Variants in PCDH15 observed in about 807,000 individuals in gnomAD.
The protein encoded by PCDH15 is protocadherin related 15.
A neutral mutation model predicts 178.5 loss-of-function variants in PCDH15; 129 were observed. The ratio of observed to expected loss-of-function variants is 0.72; its 90% CI spans 0.63 to 0.84. The LOEUF is 0.84. PCDH15 is among the 40% of genes least tolerant of loss of function. PCDH15 has a pLI of 0.00. For synonymous variants in PCDH15, 800 were observed against 732.0 expected (o/e 1.09, Z -1.50); for missense variants, 2,230 against 2,099.9 (o/e 1.06, Z -1.21).
At chr10:53,896,360 T>C (rs916735290) in intron 26 of PCDH15, among the ~76,000 whole-genome samples, 2 of 152,228 alleles carry the variant, frequency 1.3e-5, no homozygotes, top group Non-Finnish European at 2.9e-5. Flanking sequence ...TTCTATTTCT[T>C]TTTTGTTGAC....
intron 26 of PCDH15, among the ~76,000 whole-genome samples, chr10:53,897,500 TCTCTCC>T (rs2082030109): frequency 2.0e-5 from 3 of 151,944 alleles, no homozygotes; most frequent in African/African-American, 7.3e-5. Context: ...AGTGATGCCC[TCTCTCC>T]TCTTTTTCTT....
At chr10:54,921,829 G>A (rs1837496427) in intron 2 of PCDH15, among the ~76,000 whole-genome samples, 1 of 152,156 alleles carries the variant, frequency 6.6e-6, no homozygotes, top group African/African-American at 2.4e-5. Context: ...TCCGCAGGCT[G>A]TACAGGTAGC....
At chr10:54,317,141 CATAA>C (rs1465359889) in intron 8 of PCDH15, 126 bp downstream of exon 8, 3 of 931,056 alleles carry the variant, frequency 3.2e-6, no homozygotes, top group African/African-American at 3.3e-5. Flanking sequence ...TAGTTTCGGA[CATAA>C]ATATTTTTCA....
At chr10:54,429,436 T>A (rs1338745749) in intron 3 of PCDH15, among the ~76,000 whole-genome samples, 2 of 151,922 alleles carry the variant, frequency 1.3e-5, no homozygotes, top group East Asian at 3.9e-4. Context: ...CACAAAATCA[T>A]CAGAAAACAA....
intron 1 of PCDH15, among the ~76,000 whole-genome samples, chr10:54,746,048 C>G (rs1945419286): frequency 1.3e-5 from 2 of 152,014 alleles, no homozygotes; most frequent in African/African-American, 4.8e-5. Flanking sequence ...TATTTTCCAC[C>G]TATTAATTTG....
chr10:55,541,984 C>A (rs542538007), intron 2 of PCDH15, among the ~76,000 whole-genome samples: 1 of 151,602 alleles, frequency 6.6e-6, no homozygotes, highest in African/African-American at 2.4e-5. Context: ...CAGAAGAATA[C>A]AATATATAAA....
intron 1 of PCDH15, among the ~76,000 whole-genome samples, chr10:55,246,327 G>A (rs1841676850): frequency 1.3e-5 from 2 of 152,046 alleles, no homozygotes; most frequent in South Asian, 4.1e-4. Context: ...TATGAATATT[G>A]TTGCTTTGAG....
intron 3 of PCDH15, among the ~76,000 whole-genome samples, chr10:54,393,083 C>T (rs1950759554): frequency 6.6e-6 from 1 of 151,982 alleles, no homozygotes; most frequent in Admixed American, 6.6e-5. Context: ...AATTTAGATT[C>T]AAGCACTTTG....
At chr10:54,688,352 A>G (rs2095053332) in intron 1 of PCDH15, among the ~76,000 whole-genome samples, 1 of 152,042 alleles carries the variant, frequency 6.6e-6, no homozygotes, top group Non-Finnish European at 1.5e-5. Context: ...AACAAATGGG[A>G]TTGCTATTAT....
chr10:54,531,489 T>C (rs1194166045), intron 2 of PCDH15, among the ~76,000 whole-genome samples: 2 of 152,144 alleles, frequency 1.3e-5, no homozygotes, highest in African/African-American at 4.8e-5. Context: ...TCTGTTGTCA[T>C]TGTAGCCTGA....
intron 2 of PCDH15, among the ~76,000 whole-genome samples, chr10:54,565,885 G>A (rs140657195): frequency 0.012 from 1,794 of 148,596 alleles, 42 homozygotes; most frequent in African/African-American, 0.04. Context: ...GGGAGTTTGA[G>A]ACCAGCCTGA....
chr10:55,071,399 A>G (rs1201552453), intron 2 of PCDH15, among the ~76,000 whole-genome samples: 4 of 152,302 alleles, frequency 2.6e-5, no homozygotes, highest in Admixed American at 6.5e-5. Flanking sequence ...AGGATGGAGG[A>G]AGATCTACCA....
chr10:55,073,063 A>G lies in PCDH15; in HGVS notation c.-80+93513T>C, dbSNP rs1052370705. Among the ~76,000 whole-genome samples, 875 of 152,286 alleles carry G rather than the reference A, an allele frequency of 5.7e-3. 6 individuals are homozygous for G. The highest frequency in any genetic ancestry group is 0.02 in the South Asian group (95 of 4,820). The stretch of plus-strand genomic sequence containing the variant: ...AAATTCAACAACTTTTCATGCTAAA[A>G]ACTCTCAATAAATTAGGTATTGATG... On this transcript the variant is annotated intron_variant, in intron 2 of 5. Transcript: ENST00000458638.
chr10:55,230,228 A>AT (rs1158372412), intron 1 of PCDH15, among the ~76,000 whole-genome samples: 1 of 152,106 alleles, frequency 6.6e-6, no homozygotes, highest in Admixed American at 6.6e-5. Flanking sequence ...AGAGTTATTA[A>AT]TTTTTTTAAA....
At chr10:54,030,984 C>T (rs1024455378) in intron 18 of PCDH15, among the ~76,000 whole-genome samples, 1 of 151,928 alleles carries the variant, frequency 6.6e-6, no homozygotes, top group African/African-American at 2.4e-5. Context: ...ATATGAAGCT[C>T]ATGTGGTGCA....
intron 1 of PCDH15, among the ~76,000 whole-genome samples, chr10:55,243,503 A>G (rs1841607419): frequency 6.6e-6 from 1 of 152,102 alleles, no homozygotes. Flanking sequence ...TTTGTTGTTC[A>G]ATTTCTTTAC....
intron 8 of PCDH15, among the ~76,000 whole-genome samples, chr10:54,256,778 A>G (rs1196016905): frequency 6.6e-6 from 1 of 152,014 alleles, no homozygotes; most frequent in Non-Finnish European, 1.5e-5. Flanking sequence ...TTCCATTTAT[A>G]TCTCACATTT....
intron 2 of PCDH15, among the ~76,000 whole-genome samples, chr10:55,524,071 T>A (rs906111762): frequency 8.6e-5 from 13 of 151,230 alleles, no homozygotes; most frequent in African/African-American, 2.4e-4. Context: ...TTTTTTTTTT[T>A]AGCAGCATTT....
intron 2 of PCDH15, among the ~76,000 whole-genome samples, chr10:55,329,097 TG>T (rs1461870639): frequency 6.7e-6 from 1 of 150,026 alleles, no homozygotes; most frequent in Non-Finnish European, 1.5e-5. Flanking sequence ...ACATGCTCCA[TG>T]GGGGGAAACA....
Sources: allele counts gnomAD v4.1 joint callset (sites outside exome capture counted in the v4.1 genomes callset), GRCh38; gene constraint gnomAD v4.1.1; transcripts MANE v1.5; gene names NCBI Gene and HGNC (gene_info 2026-07-23, HGNC 2026-07-21).